TMEM164: variants seen among roughly 807,000 people sequenced by gnomAD.
The protein encoded by TMEM164 is RP13-360B22.2.
A neutral mutation model predicts 18.8 loss-of-function variants in TMEM164; 4 were observed. The observed-to-expected ratio is 0.21, with a 90% CI of 0.10 to 0.49. The LOEUF (loss-of-function observed/expected upper bound fraction) is 0.49. Among genes scored for constraint, TMEM164 ranks in the 20% least tolerant of loss-of-function variants. The pLI, the probability that TMEM164 is intolerant of heterozygous loss-of-function variation, is 0.98. For synonymous variants in TMEM164, 86 were observed against 101.7 expected (o/e 0.85, Z 0.93); for missense variants, 108 against 239.9 (o/e 0.45, Z 3.63).
At chrX:110,061,037 G>A (rs898635825) in intron 2 of TMEM164, among the ~76,000 whole-genome samples, 1 of 112,146 alleles carries the variant, frequency 8.9e-6, no homozygotes. Flanking sequence ...TAGGCAGCTG[G>A]ACAAGGGAAG....
intron 2 of TMEM164, among the ~76,000 whole-genome samples, chrX:110,056,215 A>C (rs1184713919): frequency 9.3e-6 from 1 of 107,541 alleles, no homozygotes; most frequent in Non-Finnish European, 1.9e-5. Context: ...AGCAATTGTT[A>C]ATCTACTTTC....
chrX:110,026,372 A>C (rs1934190577), intron 2 of TMEM164, among the ~76,000 whole-genome samples: 1 of 111,535 alleles, frequency 9.0e-6, no homozygotes, highest in Non-Finnish European at 1.9e-5. Flanking sequence ...TAGACGGCAG[A>C]GGGTGTGTGA....
chrX:110,045,156 C>T (rs977106718), intron 2 of TMEM164, among the ~76,000 whole-genome samples: 2 of 111,551 alleles, frequency 1.8e-5, no homozygotes, highest in African/African-American at 3.3e-5. Context: ...ACTGACTGAA[C>T]GCTTGCAGAG....
At chrX:110,035,520 G>T (rs1414319494) in intron 2 of TMEM164, among the ~76,000 whole-genome samples, 2 of 106,968 alleles carry the variant, frequency 1.9e-5, no homozygotes, top group Non-Finnish European at 3.8e-5. Context: ...TTTTTTTTAG[G>T]GGGGATGGAT....
At chrX:110,183,390 G>A (rs2067330468), downstream of TMEM164, among the ~76,000 whole-genome samples, 1 of 112,407 alleles carries the variant, frequency 8.9e-6, no homozygotes, top group Admixed American at 9.4e-5. Context: ...TTCAATTATA[G>A]TTGTAGTCAC....
chrX:110,075,007 A>G (rs1003264902), intron 3 of TMEM164, among the ~76,000 whole-genome samples: 4 of 111,972 alleles, frequency 3.6e-5, no homozygotes, highest in Non-Finnish European at 7.5e-5. Flanking sequence ...TGACTTTGGT[A>G]GTTTGATAGG....
At chrX:110,164,900 G>A (rs2067140212) in intron 5 of TMEM164, among the ~76,000 whole-genome samples, 2 of 102,959 alleles carry the variant, frequency 1.9e-5, no homozygotes, top group South Asian at 7.4e-4. Context: ...AGGAGAGGTA[G>A]GTTGGGTAAC....
chrX:110,079,119 G>A (rs1279514821), intron 3 of TMEM164, among the ~76,000 whole-genome samples: 4 of 111,190 alleles, frequency 3.6e-5, no homozygotes, highest in African/African-American at 1.3e-4. Flanking sequence ...ACAAAAAGAA[G>A]TCAGAAAGAG....
chrX:110,004,212 T>G, intron 2 of TMEM164, 48 bp downstream of exon 2: 1 of 1,154,521 alleles, frequency 8.7e-7, no homozygotes, highest in Non-Finnish European at 1.2e-6. Context: ...TAAGAGTCAT[T>G]TATGTGCTCA....
At chrX:110,159,815 A>G (rs2067068445) in intron 5 of TMEM164, among the ~76,000 whole-genome samples, 1 of 111,897 alleles carries the variant, frequency 8.9e-6, no homozygotes, top group South Asian at 3.8e-4. Flanking sequence ...TTAAAAAAGA[A>G]CAGCCTTCTC....
At chrX:110,148,927 C>T (rs939133200) in intron 5 of TMEM164, among the ~76,000 whole-genome samples, 1 of 111,088 alleles carries the variant, frequency 9.0e-6, no homozygotes, top group Non-Finnish European at 1.9e-5. Context: ...TCCCATACAA[C>T]TCTGTCTTCC....
At chrX:110,135,518 G>A (rs762976831) in intron 4 of TMEM164, among the ~76,000 whole-genome samples, 33 of 111,887 alleles carry the variant, frequency 2.9e-4, no homozygotes, top group Non-Finnish European at 5.5e-4. Flanking sequence ...TGAAATTACT[G>A]AGTCAAACTG....
At chrX:110,183,743 C>CTTCT (rs2067331737), downstream of TMEM164, among the ~76,000 whole-genome samples, 1 of 112,410 alleles carries the variant, frequency 8.9e-6, no homozygotes, top group African/African-American at 3.2e-5. Flanking sequence ...TAAGTGACAA[C>CTTCT]TTCTTTGAAC....
At chrX:110,004,214 A>T (rs1932529456) in intron 2 of TMEM164, 50 bp downstream of exon 2, 1 of 1,152,404 alleles carries the variant, frequency 8.7e-7, no homozygotes, top group Non-Finnish European at 1.2e-6. Flanking sequence ...AGAGTCATTT[A>T]TGTGCTCAGG....
intron 4 of TMEM164, among the ~76,000 whole-genome samples, chrX:110,112,478 C>T (rs1213851301): frequency 9.0e-6 from 1 of 111,396 alleles, no homozygotes; most frequent in Non-Finnish European, 1.9e-5. Context: ...TATGATCATG[C>T]CATTGCACAC....
chrX:110,020,533 A>G (rs1413445656), intron 2 of TMEM164: 1 of 752,934 alleles, frequency 1.3e-6, no homozygotes, highest in Non-Finnish European at 1.6e-6. Flanking sequence ...GGGAGCAGAA[A>G]GAAGACTCTG....
At chrX:110,022,187 T>C (rs1157752995) in intron 2 of TMEM164, among the ~76,000 whole-genome samples, 2 of 107,428 alleles carry the variant, frequency 1.9e-5, no homozygotes, top group Non-Finnish European at 3.8e-5. Flanking sequence ...GAGCCTAAAC[T>C]GACCACTAGA....
chrX:110,144,062 G>A (rs1038030994), intron 4 of TMEM164, among the ~76,000 whole-genome samples: 79 of 111,507 alleles, frequency 7.1e-4, no homozygotes, highest in African/African-American at 2.5e-3. Context: ...CGAGTGAGTG[G>A]GTGTGTTGGA....
At chrX:110,133,580 T>C in intron 4 of TMEM164, among the ~76,000 whole-genome samples, 1 of 111,950 alleles carries the variant, frequency 8.9e-6, no homozygotes, top group Non-Finnish European at 1.9e-5. Context: ...GTATTGAGGG[T>C]GAGGAATTCA....
Sources: allele counts gnomAD v4.1 joint callset (sites outside exome capture counted in the v4.1 genomes callset), GRCh38; gene constraint gnomAD v4.1.1; transcripts MANE v1.5; gene names NCBI Gene and HGNC (gene_info 2026-07-23, HGNC 2026-07-21).